GNB1L: variants seen among roughly 807,000 people sequenced by gnomAD.
GNB1L encodes guanine nucleotide-binding protein subunit beta-like protein 1.
A neutral mutation model predicts 29.1 loss-of-function variants in GNB1L; 20 were observed. The observed-to-expected ratio is 0.69, with a 90% CI of 0.48 to 1.00. The LOEUF (loss-of-function observed/expected upper bound fraction) is 1.00. Ranked by LOEUF, GNB1L falls within the 50% of genes least tolerant of loss-of-function variation. The pLI is 0.00. For missense variants in GNB1L, 421 were observed against 464.9 expected, an observed-to-expected ratio of 0.91 and a Z score of 0.87; for synonymous variants, 193 against 206.5, an observed-to-expected ratio of 0.93 and a Z score of 0.56.
chr22:19,802,396 G>T (rs1937385336), intron 6 of GNB1L, among the ~76,000 whole-genome samples, 180 bp from the exon 7 acceptor site: 1 of 152,194 alleles, frequency 6.6e-6, no homozygotes, highest in Non-Finnish European at 1.5e-5. Flanking sequence ...CACAGCCCCT[G>T]GATGGCTGAT....
rs965661093 is a variant in GNB1L at position 19,837,089 on chromosome 22, C to G, written c.-20-15714G>C. Among the ~76,000 whole-genome samples, 5 of 152,004 alleles carry G rather than the reference C, an allele frequency of 3.3e-5. No individual in the cohort carries two copies. The East Asian group carries it at 9.7e-4, about 29-fold the overall frequency. On this transcript the variant is annotated intron_variant, in intron 2 of 7. Coordinates refer to ENST00000329517, the MANE Select transcript of GNB1L (RefSeq NM_053004.3). ...TCACGCCATTCTCCCACCTCAGCCT[C>G]CTGAGTAGCTGGGACTACAGGCGCC...
chr22:19,851,258 T>A, intron 2 of GNB1L: 1 of 1,609,362 alleles, frequency 6.2e-7, no homozygotes, highest in East Asian at 2.2e-5. Context: ...CTGGTCTCCC[T>A]CTGTCTCCAA....
chr22:19,817,645 T>C (rs955036583), intron 4 of GNB1L, among the ~76,000 whole-genome samples: 1 of 152,224 alleles, frequency 6.6e-6, no homozygotes, highest in African/African-American at 2.4e-5. Flanking sequence ...AAATAGTCTA[T>C]GCTTTTCAGA....
intron 2 of GNB1L, among the ~76,000 whole-genome samples, chr22:19,828,100 A>G (rs955815621): frequency 6.6e-6 from 1 of 152,242 alleles, no homozygotes; most frequent in African/African-American, 2.4e-5. Flanking sequence ...AAATGTTCAC[A>G]ACACGTATCT....
At chr22:19,806,537 C>T in intron 6 of GNB1L, 122 bp downstream of exon 6, 1 of 642,298 alleles carries the variant, frequency 1.6e-6, no homozygotes, top group South Asian at 1.9e-5. Flanking sequence ...GCACAGGTTC[C>T]CTGCGGCAGG....
intron 7 of GNB1L, among the ~76,000 whole-genome samples, chr22:19,801,143 C>G (rs537665996): frequency 1.3e-5 from 2 of 152,218 alleles, no homozygotes; most frequent in Admixed American, 6.5e-5. Context: ...AGTCACCTCA[C>G]GGGACATGCA....
chr22:19,816,884 A>C lies in GNB1L; in HGVS notation c.254+3714T>G, dbSNP rs1046326704. ...CCTCCCAGGCTGCCGCTGCCACACC[A>C]CCCCCCCAACCCTGCTTCTTTGACT... On this transcript the variant is annotated intron_variant, in intron 4 of 7. Transcript: ENST00000329517. This position sits in a 1 kb window ranked among gnomAD's most constrained non-coding sequence, Gnocchi z 4.4. 2.0e-4 allele frequency among the ~76,000 whole-genome samples: 30 copies of C among 146,574 alleles called. No homozygotes were observed. Among genetic ancestry groups the C allele is most frequent in the African/African-American group, 6.3e-4 (25 of 39,396 alleles).
chr22:19,843,576 G>A (rs1011227891), intron 2 of GNB1L, among the ~76,000 whole-genome samples: 4 of 152,176 alleles, frequency 2.6e-5, no homozygotes, highest in Admixed American at 2.0e-4. Context: ...TCCTTCCCTT[G>A]GAGAAGAAAG....
chr22:19,823,800 T>G (rs796231066), intron 2 of GNB1L, among the ~76,000 whole-genome samples: 15 of 152,180 alleles, frequency 9.9e-5, no homozygotes, highest in African/African-American at 3.6e-4. Flanking sequence ...CACCCATATG[T>G]GCACACACAC....
intron 4 of GNB1L, among the ~76,000 whole-genome samples, chr22:19,815,411 TAGGCGGCA>T (rs1937520446): frequency 6.6e-6 from 1 of 152,156 alleles, no homozygotes; most frequent in Non-Finnish European, 1.5e-5. Flanking sequence ...GTGGCTCTGC[TAGGCGGCA>T]AGGCTCAACA....
intron 4 of GNB1L, among the ~76,000 whole-genome samples, chr22:19,819,754 G>A (rs1400771145): frequency 1.3e-5 from 2 of 152,196 alleles, no homozygotes; most frequent in African/African-American, 4.8e-5. Flanking sequence ...GTAGGGTACA[G>A]AACACACACG....
chr22:19,839,459 T>C (rs35519960), intron 2 of GNB1L, among the ~76,000 whole-genome samples: 4,717 of 152,202 alleles, frequency 0.031, 106 homozygotes, highest in Non-Finnish European at 0.049. Context: ...ATTTAAAAAT[T>C]AGAGACAGGC....
Position 19,821,319 on chromosome 22 carries a change from G to A in GNB1L, c.37C>T (p.Gln13Ter), listed in dbSNP as rs1177972696. ...GACTGGGTGCCTCGGAGGACAAACT[G>A]GGGGTCTGGAGGTGGCGGCGGGCAG... ...APCPPPPPDP[Q>*]FVLRGTQSPV... Residue 13 changes from glutamine (Q) to a stop codon, truncating the protein, a stop_gained, in exon 3 of 8, where the codon CAG becomes TAG. Transcript: ENST00000329517. LOFTEE classifies it high-confidence loss of function. 4.3e-6 allele frequency: 7 copies of A among 1,613,032 alleles called. No individual in the cohort carries two copies. Among genetic ancestry groups the A allele is most frequent in the African/African-American group, 1.3e-5 (1 of 74,934 alleles).
chr22:19,800,213 C>T (rs748806), intron 7 of GNB1L, among the ~76,000 whole-genome samples: 18,751 of 152,260 alleles, frequency 0.12, 1,770 homozygotes, highest in East Asian at 0.48. Flanking sequence ...AATTACAGTC[C>T]TAAGTTCCAG....
rs1937963953 is a variant in GNB1L at position 19,846,484 on chromosome 22, A to G, written c.-21+7959T>C. 4.1e-6 allele frequency: 4 copies of G among 985,274 alleles called. No homozygotes were observed. The South Asian group carries it at 1.4e-4, about 35-fold the overall frequency. The allele number at this position is 985,274 out of a possible 1,614,324, so 61.0% of individuals were successfully genotyped here. On this transcript the variant is annotated intron_variant, in intron 2 of 7. Coordinates refer to ENST00000329517, the MANE Select transcript of GNB1L (RefSeq NM_053004.3). ...ACCCAGGGCCTGGGGGACTCTGCAC[A>G]CAGGCATGTGGAGACCACAGAAGCC...
intron 7 of GNB1L, among the ~76,000 whole-genome samples, chr22:19,800,898 G>A (rs1937362507): frequency 6.6e-6 from 1 of 152,200 alleles, no homozygotes; most frequent in South Asian, 2.1e-4. Context: ...CTCAGGGGTG[G>A]GCCTGACGGA....
chr22:19,850,288 GCT>G (rs1273727022), intron 2 of GNB1L: 1 of 982,718 alleles, frequency 1.0e-6, no homozygotes, highest in Non-Finnish European at 1.2e-6. Flanking sequence ...AGGCCACAGA[GCT>G]GACTAAGACA....
rs911310045 is a variant in GNB1L at position 19,793,008 on chromosome 22, G to A, written c.733-4048C>T. On this transcript the variant is annotated intron_variant, in intron 7 of 7. Coordinates refer to ENST00000329517, the MANE Select transcript of GNB1L (RefSeq NM_053004.3). ...CGATGAGATCCGCCGTCACTGGGGC[G>A]GCAACATCCTGGGTCCTAAGTCTGT... The A allele has an allele frequency of 2.7e-5, 43 of 1,586,344 alleles. No homozygotes were observed. In the Admixed American group the frequency reaches 4.5e-4, roughly 17 times the overall value.
chr22:19,848,796 TC>T (rs1298229993), intron 2 of GNB1L: 2 of 985,250 alleles, frequency 2.0e-6, no homozygotes, highest in Admixed American at 6.2e-5. Flanking sequence ...AGGACAGGGT[TC>T]AAAAGAGAAG....
Sources: gnomAD v4.1 joint callset for allele counts (sites outside exome capture counted in the v4.1 genomes callset) on GRCh38, gnomAD v4.1.1 for gene constraint, Gnocchi (gnomAD v3.1) non-coding constraint, MANE v1.5 for transcripts, NCBI Gene and HGNC (gene_info 2026-07-23, HGNC 2026-07-21) for gene names.